The following ACO1 variants were observed in gnomAD, a reference collection of about 807,000 sequenced individuals.
ACO1 encodes the protein cytoplasmic aconitate hydratase.
In ACO1, 78 loss-of-function variants were observed where a neutral mutation model predicts 105.1. The ratio of observed to expected loss-of-function variants is 0.74; its 90% CI spans 0.62 to 0.90. ACO1 has a LOEUF of 0.90. ACO1 is among the 40% of genes least tolerant of loss of function. The pLI is 0.00. For missense variants in ACO1, 965 were observed against 1,111.1 expected, an observed-to-expected ratio of 0.87 and a Z score of 1.87; for synonymous variants, 364 against 397.4, an observed-to-expected ratio of 0.92 and a Z score of 1.00.
At chr9:32,386,693 C>T (rs1009367822) in intron 1 of ACO1, among the ~76,000 whole-genome samples, 6 of 152,116 alleles carry the variant, frequency 3.9e-5, no homozygotes, top group Non-Finnish European at 8.8e-5. Flanking sequence ...GAGGAGAAGT[C>T]CACAGGAGAA....
Position 32,434,485 on chromosome 9 carries a change from C to T in ACO1, c.1957-74C>T, listed in dbSNP as rs1043292121. On this transcript the variant is annotated intron_variant, in intron 16 of 20. Coordinates refer to ENST00000309951, the MANE Select transcript of ACO1 (RefSeq NM_002197.3). ...TCCTCTGATTCAGGTCCATGGGCCA[C>T]CATCGTAGAGACTGATCTGGTAACT... 7 of 1,575,016 alleles carry T rather than the reference C, an allele frequency of 4.4e-6. No individual in the cohort carries two copies. In the East Asian group the frequency reaches 6.7e-5, roughly 15 times the overall value.
rs77194991 is a variant in ACO1, at chr9:32,422,321, T to C, written c.971-998T>C. On this transcript the variant is annotated intron_variant, in intron 8 of 20. Transcript: ENST00000309951. Reference sequence around the variant, plus strand: ...TAAACCCTAAGAAAGATTTCTCCTGTTCATCTTCATGAAGAGCATGGCATG... The same window carrying C: ...TAAACCCTAAGAAAGATTTCTCCTGCTCATCTTCATGAAGAGCATGGCATG... Among the ~76,000 whole-genome samples, 10 of 152,198 alleles carry C rather than the reference T, an allele frequency of 6.6e-5. No individual in the cohort carries two copies. In the East Asian group the frequency reaches 1.9e-3, roughly 29 times the overall value.
rs1323434834 is a variant in ACO1, at chr9:32,453,473, A to AT, written c.*3363dup. 2.7e-5 allele frequency: 4 copies of AT among 150,898 alleles called. No homozygotes were observed. The South Asian group carries it at 6.3e-4, about 24-fold the overall frequency. The allele number at this position is 150,898 out of a possible 1,614,324, so 9.3% of individuals were successfully genotyped here. A position where few individuals can be genotyped will look rare whatever the true frequency, so the allele number is the denominator to read the frequency against. On this transcript the variant is annotated 3_prime_UTR_variant, in exon 21 of 21. Coordinates refer to ENST00000309951, the MANE Select transcript of ACO1 (RefSeq NM_002197.3). ...CATTTGCCCCTCCAACCACCCCCCC[A>AT]TCCCTCCACCAATCATACCTTCTGT...
intron 6 of ACO1, 30 bp downstream of exon 6, chr9:32,418,541 G>C (rs1219537642): frequency 6.3e-7 from 1 of 1,583,808 alleles, no homozygotes; most frequent in Non-Finnish European, 8.6e-7. Flanking sequence ...TGCTGTTTTG[G>C]GGCATGCACT....
At chr9:32,441,449 TGGCTGTCTGGCA>T (rs1822477764) in intron 19 of ACO1, among the ~76,000 whole-genome samples, 2 of 152,214 alleles carry the variant, frequency 1.3e-5, no homozygotes, top group Non-Finnish European at 2.9e-5. Flanking sequence ...TAAAAAAATG[TGGCTGTCTGGCA>T]GGCAGTTCTC....
chr9:32,419,199 T>C, intron 7 of ACO1, 22 bp downstream of exon 7: 4 of 1,542,192 alleles, frequency 2.6e-6, no homozygotes, highest in Non-Finnish European at 3.5e-6. Context: ...CATCCTCTTC[T>C]GTGGTCTTGG....
At chr9:32,433,707 G>A (rs1158118572) in intron 15 of ACO1, 21 bp from the exon 16 acceptor site, 1 of 1,560,152 alleles carries the variant, frequency 6.4e-7, no homozygotes, top group East Asian at 2.2e-5. Context: ...GATTAGATCT[G>A]CCTTTCTTTT....
At position 32,430,550 on chromosome 9, in the gene ACO1, A is replaced by G. The variant is rs1822204726; in HGVS notation, c.1702A>G (p.Ile568Val). Residue 568 changes from isoleucine to valine, a missense_variant, in exon 14 of 21, where the codon ATC becomes GTC. Ile to Val is a conservative substitution (Grantham distance 29). Coordinates refer to ENST00000309951, the MANE Select transcript of ACO1 (RefSeq NM_002197.3). ...ATATGCAATTGCTGGAACCATCAGA[A>G]TCGACTTTGAGAAAGAGCCATTGGG... ...IAYAIAGTIR[I>V]DFEKEPLGVN... 3 of 1,606,850 alleles carry G rather than the reference A, an allele frequency of 1.9e-6. No individual in the cohort carries two copies. Among genetic ancestry groups the G allele is most frequent in the South Asian group, 1.1e-5 (1 of 89,376 alleles).
rs1822309747 is a variant in ACO1 at position 32,434,477 on chromosome 9, A to C, written c.1957-82A>C. 24 of 1,541,212 alleles carry C rather than the reference A, an allele frequency of 1.6e-5. No homozygotes were observed. The South Asian group carries it at 2.8e-4, about 18-fold the overall frequency. The stretch of plus-strand genomic sequence containing the variant: ...TGGAACTGTCCTCTGATTCAGGTCC[A>C]TGGGCCACCATCGTAGAGACTGATC... On this transcript the variant is annotated intron_variant, in intron 16 of 20. Coordinates refer to ENST00000309951, the MANE Select transcript of ACO1 (RefSeq NM_002197.3).
In ACO1 at chr9:32,439,225, T is replaced by G. The variant is rs912188746; in HGVS notation, c.2248-1240T>G. On this transcript the variant is annotated intron_variant, in intron 18 of 20. Transcript: ENST00000309951. This position sits in a 1 kb window ranked among gnomAD's most constrained non-coding sequence, Gnocchi z 4.0. The stretch of plus-strand genomic sequence containing the variant: ...AGCTACAGTCTCTGAAAATATCAGA[T>G]AAGTTGTTTCTTTCTGGTCTTTGAA... Among the ~76,000 whole-genome samples the G allele has an allele frequency of 3.3e-5, 5 of 152,362 alleles. No individual in the cohort carries two copies. Among genetic ancestry groups the G allele is most frequent in the Middle Eastern group, 6.8e-3 (2 of 294 alleles).
At chr9:32,443,911 G>C (rs1415278146) in intron 19 of ACO1, among the ~76,000 whole-genome samples, 1 of 152,140 alleles carries the variant, frequency 6.6e-6, no homozygotes, top group African/African-American at 2.4e-5. Context: ...GTGGTGGTTT[G>C]CTGCACCCAT....
rs193220251 is a variant in ACO1, at chr9:32,410,286, T to C, written c.404+1635T>C. 1.5e-3 allele frequency among the ~76,000 whole-genome samples: 234 copies of C among 152,184 alleles called. 1 individual carries two copies. Among genetic ancestry groups the C allele is most frequent in the African/African-American group, 5.3e-3 (222 of 41,518 alleles). On this transcript the variant is annotated intron_variant, in intron 4 of 20. Transcript: ENST00000309951. ...GAGTAGAGTACCTGATGGCCGGGCGTGGTGGCTCACGCCTGTAATCCCAGC... is the reference window on the plus strand; with the variant it reads ...GAGTAGAGTACCTGATGGCCGGGCGCGGTGGCTCACGCCTGTAATCCCAGC...
At chr9:32,401,895 A>G (rs1320660511) in intron 1 of ACO1, among the ~76,000 whole-genome samples, 1 of 152,232 alleles carries the variant, frequency 6.6e-6, no homozygotes, top group Non-Finnish European at 1.5e-5. Context: ...ATAACCCTGT[A>G]CAAGTCACCC....
intron 7 of ACO1, 91 bp from the exon 8 acceptor site, chr9:32,420,760 TGACAA>T (rs2118469852): frequency 1.5e-6 from 2 of 1,332,234 alleles, no homozygotes; most frequent in African/African-American, 2.9e-5. Flanking sequence ...TTGGGTTTAC[TGACAA>T]GACTAGTTTA....
chr9:32,410,714 C>T (rs1821719157), intron 4 of ACO1, among the ~76,000 whole-genome samples: 1 of 151,890 alleles, frequency 6.6e-6, no homozygotes, highest in Admixed American at 6.6e-5. Context: ...TTTGTACCAG[C>T]CAAAACCGTG....
chr9:32,405,111 C>CTAGGTGGGAGCA (rs111582718), intron 1 of ACO1, among the ~76,000 whole-genome samples: 6 of 152,104 alleles, frequency 3.9e-5, no homozygotes, highest in Non-Finnish European at 7.3e-5. Flanking sequence ...GCATGTGAGA[C>CTAGGTGGGAGCA]GTAGTTCCCA....
Position 32,432,860 on chromosome 9 carries a change from G to C in ACO1, c.1852-868G>C, listed in dbSNP as rs7037425. Reference sequence around the variant, plus strand: ...ACAGCTTCACTGTGTACTTTCACAGGGTTCCAGTAAGATGTCATCTGGGGC... The same window carrying C: ...ACAGCTTCACTGTGTACTTTCACAGCGTTCCAGTAAGATGTCATCTGGGGC... On this transcript the variant is annotated intron_variant, in intron 15 of 20. Coordinates refer to ENST00000309951, the MANE Select transcript of ACO1 (RefSeq NM_002197.3). Among the ~76,000 whole-genome samples the C allele has an allele frequency of 3.1e-3, 471 of 152,264 alleles. 4 individuals carry two copies. The highest frequency in any genetic ancestry group is 0.01 in the African/African-American group (436 of 41,544).
intron 19 of ACO1, among the ~76,000 whole-genome samples, chr9:32,447,828 G>A (rs1822654372): frequency 6.6e-6 from 1 of 152,164 alleles, no homozygotes; most frequent in Admixed American, 6.5e-5. Context: ...AGACTCCTCT[G>A]CTGCAGGTCT....
Position 32,420,891 on chromosome 9 carries a change from C to G in ACO1, c.834C>G (p.Val278=), listed in dbSNP as rs1563938184. ...AGGTTGGGGTAGTGGGCAAATTTGTCGAGTTCTTCGGGCCTGGAGTAGCCC... is the reference window on the plus strand; with the variant it reads ...AGGTTGGGGTAGTGGGCAAATTTGTGGAGTTCTTCGGGCCTGGAGTAGCCC... The part of the protein sequence containing the change: ...LRQVGVVGKF[V]EFFGPGVAQL... Residue 278 remains valine, a synonymous_variant, in exon 8 of 21, where the codon GTC becomes GTG. Transcript: ENST00000309951. The G allele has an allele frequency of 6.2e-6, 10 of 1,613,712 alleles. No individual in the cohort carries two copies. Among genetic ancestry groups the G allele is most frequent in the Non-Finnish European group, 7.6e-6 (9 of 1,179,826 alleles).
Sources: gnomAD v4.1 joint callset for allele counts (sites outside exome capture counted in the v4.1 genomes callset) on GRCh38, gnomAD v4.1.1 for gene constraint, Gnocchi (gnomAD v3.1) non-coding constraint, MANE v1.5 for transcripts, NCBI Gene and HGNC (gene_info 2026-07-23, HGNC 2026-07-21) for gene names.